Variants in TPR observed in about 807,000 individuals in gnomAD.
TPR encodes translocated promoter region, nuclear basket protein.
A neutral mutation model predicts 316.1 loss-of-function variants in TPR; 51 were observed. That is an observed-to-expected ratio of 0.16 (90% CI 0.13 to 0.20). The LOEUF (loss-of-function observed/expected upper bound fraction) is 0.20, where lower values mean the gene tolerates loss of function less well. Ranked by LOEUF, TPR falls within the 10% of genes least tolerant of loss-of-function variation. TPR has a pLI of 1.00. For missense variants in TPR, 2,272 were observed against 2,754.8 expected, an observed-to-expected ratio of 0.82 and a Z score of 3.92; for synonymous variants, 981 against 914.7, an observed-to-expected ratio of 1.07 and a Z score of -1.31.
At chr1:186,322,177 A>T in intron 45 of TPR, 141 bp downstream of exon 45, 1 of 746,330 alleles carries the variant, frequency 1.3e-6, no homozygotes, top group Non-Finnish European at 2.2e-6. Flanking sequence ...TACATCCTCA[A>T]CTGACCTACC....
chr1:186,332,479 A>C (rs1658194622), intron 37 of TPR, 136 bp from the exon 38 acceptor site: 10 of 926,324 alleles, frequency 1.1e-5, no homozygotes, highest in Admixed American at 3.1e-5. Context: ...AAATACAATC[A>C]ATCAACTCCT....
chr1:186,323,002 C>T (rs1348538917), intron 43 of TPR, among the ~76,000 whole-genome samples: 1 of 152,074 alleles, frequency 6.6e-6, no homozygotes, highest in East Asian at 1.9e-4. Flanking sequence ...TTTTTGTAGC[C>T]TCCATACAGG....
intron 24 of TPR, 51 bp downstream of exon 24, chr1:186,345,529 G>T (rs757237335): frequency 2.2e-6 from 3 of 1,393,058 alleles, no homozygotes; most frequent in Non-Finnish European, 3.0e-6. Context: ...TATACTTCAA[G>T]AATCATTCTC....
At chr1:186,332,918 TATTC>T (rs1658213942) in intron 37 of TPR, among the ~76,000 whole-genome samples, 200 bp downstream of exon 37, 1 of 152,152 alleles carries the variant, frequency 6.6e-6, no homozygotes, top group African/African-American at 2.4e-5. Flanking sequence ...GTTAGTAATA[TATTC>T]ATTCATTCTA....
intron 9 of TPR, 127 bp from the exon 10 acceptor site, chr1:186,361,032 C>T (rs888204706): frequency 1.0e-6 from 1 of 984,448 alleles, no homozygotes; most frequent in Non-Finnish European, 1.4e-6. Flanking sequence ...CTTCAGCTGA[C>T]AGTATCTATT....
chr1:186,342,521 G>A (rs1658540482), intron 27 of TPR: 1 of 152,104 alleles, frequency 6.6e-6, no homozygotes, highest in South Asian at 2.1e-4. Context: ...TATTTCCATG[G>A]TGAGATACAT....
At chr1:186,319,136 A>G (rs1234317003) in intron 46 of TPR, among the ~76,000 whole-genome samples, 4 of 151,968 alleles carry the variant, frequency 2.6e-5, no homozygotes, top group Admixed American at 2.6e-4. Flanking sequence ...GGCTACCAAC[A>G]CAGACCCAGC....
rs774719314 is a variant in TPR at position 186,325,794 on chromosome 1, T to C, written c.6082A>G (p.Asn2028Asp). 3.1e-6 allele frequency: 5 copies of C among 1,613,492 alleles called. No homozygotes were observed. The highest frequency in any genetic ancestry group is 1.7e-5 in the Admixed American group (1 of 59,964). Residue 2028 changes from asparagine (N) to aspartate (D), a missense_variant, in exon 42 of 51, where the codon AAT (asparagine) becomes GAT (aspartate). By Grantham distance (23) the Asn-to-Asp change is conservative. Around this residue, in one of 10 missense-constraint regions of TPR, gnomAD observed 435 missense variants for 461.1 expected, o/e 0.94. Coordinates refer to ENST00000367478, the MANE Select transcript of TPR (RefSeq NM_003292.3). ...TEESMGGGEG[N>D]HRAADSQNSG... is the part of the protein sequence containing the mutation. ...TTTTGAGAATCAGCAGCTCTGTGAT[T>C]ACCTTCACCTCCACCCATACTTTCT...
intron 33 of TPR, 86 bp from the exon 34 acceptor site, chr1:186,335,629 T>G (rs550468808): frequency 9.3e-7 from 1 of 1,074,222 alleles, no homozygotes; most frequent in East Asian, 2.5e-5. Flanking sequence ...CATGGTCACA[T>G]CAGATTCTAC....
chr1:186,334,644 C>A, intron 35 of TPR, 111 bp from the exon 36 acceptor site: 1 of 1,144,274 alleles, frequency 8.7e-7, no homozygotes, highest in African/African-American at 1.6e-5. Context: ...TATTTCAGAG[C>A]CTTATTAAAG....
In TPR at chr1:186,354,337, T is replaced by C. The variant is rs78602606; in HGVS notation, c.2172-487A>G. On this transcript the variant is annotated intron_variant, in intron 17 of 50. Coordinates refer to ENST00000367478, the MANE Select transcript of TPR (RefSeq NM_003292.3). ...TATTTAAAGTAATGACAATGCAATA[T>C]TGATAACACCAGACACCCACTACAA... Among the ~76,000 whole-genome samples, 54 of 152,346 alleles carry C rather than the reference T, an allele frequency of 3.5e-4. No individual in the cohort carries two copies. In the East Asian group the frequency reaches 8.7e-3, roughly 24 times the overall value.
rs529237761 is a variant in TPR, at chr1:186,347,235, A to G, written c.2943+57T>C. ...TTAAAAAAGCAGTCCTCTAGTTACT[A>G]AAAACAAAGTTAACAAATGTGTTGA... On this transcript the variant is annotated intron_variant, in intron 22 of 50. Transcript: ENST00000367478. 7.6e-6 allele frequency: 12 copies of G among 1,584,114 alleles called. No homozygotes were observed. In the South Asian group the frequency reaches 1.2e-4, roughly 15 times the overall value.
Position 186,313,146 on chromosome 1 carries a change from G to A in TPR, c.*825C>T. 2.0e-6 allele frequency: 1 copy of A among 504,518 alleles called. No homozygotes were observed. Among genetic ancestry groups the A allele is most frequent in the Non-Finnish European group, 3.6e-6 (1 of 277,994 alleles). The allele number at this position is 504,518 out of a possible 1,614,324, so 31.3% of individuals were successfully genotyped here. A position where few individuals can be genotyped will look rare whatever the true frequency, so the allele number is the denominator to read the frequency against. The stretch of plus-strand genomic sequence containing the variant: ...CAGTTACTAGAGTAAACTTGCTACT[G>A]ACAATAGTATTTTACTTCTATCATT... On this transcript the variant is annotated 3_prime_UTR_variant, in exon 51 of 51. Coordinates refer to ENST00000367478, the MANE Select transcript of TPR (RefSeq NM_003292.3).
In TPR at chr1:186,351,327, C is replaced by T. The variant is rs1318858570; in HGVS notation, c.2610+3G>A. 11 of 1,605,066 alleles carry T rather than the reference C, an allele frequency of 6.9e-6. No homozygotes were observed. Among genetic ancestry groups the T allele is most frequent in the African/African-American group, 1.3e-5 (1 of 74,648 alleles). ...CAGAAATTCAGAACTCTGATGGACT[C>T]ACATCTAGATTTCTAGTAAGTGTAT... is the stretch of plus-strand genomic sequence containing the variant. On this transcript the variant is annotated splice_donor_region_variant and intron_variant, in intron 20 of 50. Coordinates refer to ENST00000367478, the MANE Select transcript of TPR (RefSeq NM_003292.3).
At chr1:186,352,572 G>C (rs1315599818) in intron 18 of TPR, among the ~76,000 whole-genome samples, 1 of 152,146 alleles carries the variant, frequency 6.6e-6, no homozygotes, top group Admixed American at 6.5e-5. Flanking sequence ...AAGGGGACCA[G>C]GGAGAGTGTT....
chr1:186,358,793 A>G, intron 12 of TPR, 143 bp from the exon 13 acceptor site: 1 of 654,442 alleles, frequency 1.5e-6, no homozygotes, highest in Non-Finnish European at 2.5e-6. Flanking sequence ...CCACTAAAAA[A>G]GAAGTTTTGT....
intron 4 of TPR, among the ~76,000 whole-genome samples, chr1:186,366,712 A>G (rs1659355106): frequency 1.3e-5 from 2 of 152,216 alleles, no homozygotes. Context: ...GTGTTAAGCT[A>G]AATATTCAAC....
intron 37 of TPR, among the ~76,000 whole-genome samples, 191 bp downstream of exon 37, chr1:186,332,931 T>A (rs74134828): frequency 6.6e-6 from 1 of 152,132 alleles, no homozygotes. Context: ...TCATTCATTC[T>A]AATTCCTGGT....
chr1:186,333,793 C>T (rs1658252904), intron 36 of TPR, among the ~76,000 whole-genome samples: 1 of 152,094 alleles, frequency 6.6e-6, no homozygotes, highest in Admixed American at 6.6e-5. Flanking sequence ...ACATTCTCTA[C>T]TTTCACAGCA....
Sources: allele counts gnomAD v4.1 joint callset (sites outside exome capture counted in the v4.1 genomes callset), GRCh38; gene constraint gnomAD v4.1.1; regional missense constraint gnomAD v4.1.1; transcripts MANE v1.5; gene names NCBI Gene and HGNC (gene_info 2026-07-23, HGNC 2026-07-21).